KCND2: variants seen among roughly 807,000 people sequenced by gnomAD.
KCND2 encodes the protein potassium voltage-gated channel subfamily D member 2, also known as A-type voltage-gated potassium channel KCND2.
A neutral mutation model predicts 54.4 loss-of-function variants in KCND2; 16 were observed. The observed-to-expected ratio is 0.29, with a 90% confidence interval of 0.20 to 0.45. The LOEUF is 0.45. KCND2 is among the 20% of genes least tolerant of loss of function. The probability of loss-of-function intolerance (pLI) is 1.00; values close to 1 mark genes in which losing one functional copy is unlikely to be tolerated. For missense variants in KCND2, 486 were observed against 824.2 expected (o/e 0.59, Z 5.02); for synonymous variants, 317 against 310.7 (o/e 1.02, Z -0.21).
intron 1 of KCND2, among the ~76,000 whole-genome samples, chr7:120,526,751 A>G (rs1791781602): frequency 6.6e-6 from 1 of 152,294 alleles, no homozygotes; most frequent in South Asian, 2.1e-4. Flanking sequence ...ATTGTTTTAC[A>G]TAAGTTTTAA....
At chr7:120,560,621 C>T (rs1186411088) in intron 1 of KCND2, among the ~76,000 whole-genome samples, 3 of 152,118 alleles carry the variant, frequency 2.0e-5, no homozygotes, top group African/African-American at 7.2e-5. Flanking sequence ...AAGGAGAAAT[C>T]TTGCAGAATT....
chr7:120,539,321 A>C (rs969697073), intron 1 of KCND2, among the ~76,000 whole-genome samples: 4 of 152,346 alleles, frequency 2.6e-5, no homozygotes, highest in Admixed American at 2.6e-4. Flanking sequence ...TTTGGTTGCC[A>C]AAAGCTTTCA....
At chr7:120,646,848 G>A (rs1793448573) in intron 1 of KCND2, among the ~76,000 whole-genome samples, 1 of 152,146 alleles carries the variant, frequency 6.6e-6, no homozygotes, top group African/African-American at 2.4e-5. Context: ...GAAAGTACAA[G>A]CCTCACTTTG....
intron 2 of KCND2, among the ~76,000 whole-genome samples, chr7:120,740,045 C>T (rs145808088): frequency 3.4e-4 from 51 of 151,994 alleles, no homozygotes; most frequent in African/African-American, 1.1e-3. Context: ...TATGCATATA[C>T]GGAAAGAGTT....
Position 120,274,275 on chromosome 7 carries a change from C to T in KCND2, c.-358C>T, listed in dbSNP as rs913386781. ...ACATACTGACCCTATATTATCCAGA[C>T]TGTGCCGGGGAGAAATCAAAAACAC... On this transcript the variant is annotated 5_prime_UTR_variant, in exon 1 of 6. Coordinates refer to ENST00000331113, the MANE Select transcript of KCND2 (RefSeq NM_012281.3). 1 of 400,876 alleles carries T rather than the reference C, an allele frequency of 2.5e-6. No individual in the cohort carries two copies. Among genetic ancestry groups the T allele is most frequent in the Admixed American group, 4.1e-5 (1 of 24,456 alleles). The allele number at this position is 400,876 out of a possible 1,614,324, so 24.8% of individuals were successfully genotyped here.
rs2116384485 is a variant in KCND2 at position 120,351,425 on chromosome 7, C to CTG, written c.1115+75679_1115+75680insGT. ...ACACACACACACACTCTCTCTCTCTCTCTCTCTCTCACATTGCAAGGTTAT... is the reference window on the plus strand; with the variant it reads ...ACACACACACACACTCTCTCTCTCTCTGTCTCTCTCTCACATTGCAAGGTTAT... On this transcript the variant is annotated intron_variant, in intron 1 of 5. Transcript: ENST00000331113. Among the ~76,000 whole-genome samples the CTG allele has an allele frequency of 4.6e-5, 7 of 150,854 alleles. No homozygotes were observed. In the South Asian group the frequency reaches 1.5e-3, roughly 32 times the overall value.
chr7:120,447,668 C>G (rs988014281), intron 1 of KCND2, among the ~76,000 whole-genome samples: 5 of 152,044 alleles, frequency 3.3e-5, no homozygotes, highest in Non-Finnish European at 7.4e-5. Flanking sequence ...GATGAAAATA[C>G]GAATTTCTAA....
chr7:120,536,227 T>C (rs1007970994), intron 1 of KCND2, among the ~76,000 whole-genome samples: 1 of 152,168 alleles, frequency 6.6e-6, no homozygotes, highest in Non-Finnish European at 1.5e-5. Flanking sequence ...ACAAAAACAA[T>C]ATATATACCT....
chr7:120,560,472 G>A (rs568815742), intron 1 of KCND2, among the ~76,000 whole-genome samples: 2 of 152,276 alleles, frequency 1.3e-5, no homozygotes, highest in East Asian at 3.9e-4. Flanking sequence ...CATCTTAAAT[G>A]ATAGGGATTC....
chr7:120,490,869 A>G (rs1802768738), intron 1 of KCND2, among the ~76,000 whole-genome samples: 1 of 152,188 alleles, frequency 6.6e-6, no homozygotes, highest in Non-Finnish European at 1.5e-5. Flanking sequence ...TTCCTGCTAA[A>G]GTAAGTAAAC....
At chr7:120,657,171 G>A (rs1455471894) in intron 1 of KCND2, among the ~76,000 whole-genome samples, 3 of 152,158 alleles carry the variant, frequency 2.0e-5, no homozygotes, top group Non-Finnish European at 2.9e-5. Context: ...GATATGCATG[G>A]AAATGGAATT....
chr7:120,473,729 T>TA (rs996249661), intron 1 of KCND2, among the ~76,000 whole-genome samples: 12 of 152,146 alleles, frequency 7.9e-5, no homozygotes, highest in African/African-American at 9.7e-5. Flanking sequence ...AAAGTTTTTT[T>TA]AAAAAAATGA....
chr7:120,482,410 T>A (rs1802619049), intron 1 of KCND2, among the ~76,000 whole-genome samples: 1 of 152,124 alleles, frequency 6.6e-6, no homozygotes, highest in South Asian at 2.1e-4. Context: ...TTTAGCTCTA[T>A]TGGGATGGAA....
At chr7:120,359,817 G>A (rs1249723292) in intron 1 of KCND2, among the ~76,000 whole-genome samples, 2 of 152,028 alleles carry the variant, frequency 1.3e-5, no homozygotes, top group East Asian at 3.9e-4. Flanking sequence ...CCCTGATGCT[G>A]TTCTCGTGAT....
chr7:120,720,497 C>T (rs541060191), intron 1 of KCND2, among the ~76,000 whole-genome samples: 1 of 152,134 alleles, frequency 6.6e-6, no homozygotes, highest in Non-Finnish European at 1.5e-5. Context: ...CAGACTGCAT[C>T]TCCCAAGCTG....
chr7:120,341,670 G>C (rs546479915), intron 1 of KCND2, among the ~76,000 whole-genome samples: 31 of 152,256 alleles, frequency 2.0e-4, no homozygotes, highest in Admixed American at 7.2e-4. Context: ...CAATAGAGTG[G>C]AGGACAAGAT....
intron 1 of KCND2, among the ~76,000 whole-genome samples, chr7:120,308,172 G>T (rs911532819): frequency 6.6e-6 from 1 of 151,942 alleles, no homozygotes; most frequent in African/African-American, 2.4e-5. Context: ...AAGAGGGAGA[G>T]AGAGAAAAAA....
At chr7:120,394,346 G>A (rs1352854606) in intron 1 of KCND2, among the ~76,000 whole-genome samples, 4 of 151,850 alleles carry the variant, frequency 2.6e-5, no homozygotes, top group Non-Finnish European at 5.9e-5. Flanking sequence ...CTTGCTGGAG[G>A]GGCCACAAGA....
intron 1 of KCND2, among the ~76,000 whole-genome samples, chr7:120,714,464 T>A (rs1306171515): frequency 1.3e-5 from 2 of 152,178 alleles, no homozygotes; most frequent in African/African-American, 4.8e-5. Flanking sequence ...GCCAATATTG[T>A]GTTTGCAAAT....
Sources: gnomAD v4.1 joint callset for allele counts (sites outside exome capture counted in the v4.1 genomes callset) on GRCh38, gnomAD v4.1.1 for gene constraint, MANE v1.5 for transcripts, NCBI Gene and HGNC (gene_info 2026-07-23, HGNC 2026-07-21) for gene names.